KCNIP4: variants seen among roughly 807,000 people sequenced by gnomAD.
KCNIP4 encodes the protein Kv channel-interacting protein 4.
KCNIP4 carries 12 observed loss-of-function variants against 34.0 expected under a neutral mutation model. That is an observed-to-expected ratio of 0.35 (90% CI 0.23 to 0.57). KCNIP4 has a LOEUF of 0.57. KCNIP4 is among the 20% of genes least tolerant of loss of function. The pLI is 0.83. For missense variants in KCNIP4, 238 were observed against 311.7 expected (o/e 0.76, Z 1.78); for synonymous variants, 124 against 102.2 (o/e 1.21, Z -1.29).
At chr4:20,733,588 GC>G (rs1164859702) in intron 6 of KCNIP4, among the ~76,000 whole-genome samples, 7 of 152,270 alleles carry the variant, frequency 4.6e-5, no homozygotes, top group Middle Eastern at 3.4e-3. Flanking sequence ...TAGATAAGTA[GC>G]AAGTAGTTTG....
At chr4:21,650,820 T>A in intron 1 of KCNIP4, among the ~76,000 whole-genome samples, 1 of 152,188 alleles carries the variant, frequency 6.6e-6, no homozygotes, top group East Asian at 1.9e-4. Context: ...ATCTGGAGTT[T>A]GGGGGTCCTC....
intron 2 of KCNIP4, among the ~76,000 whole-genome samples, chr4:20,857,061 C>T (rs991877539): frequency 1.4e-5 from 2 of 139,168 alleles, no homozygotes; most frequent in Non-Finnish European, 1.6e-5. Flanking sequence ...AAAAAAAAAA[C>T]GCCCTTGAAG....
At position 21,440,596 on chromosome 4, in the gene KCNIP4, C is replaced by T. The variant is rs112984922; in HGVS notation, c.61+507975G>A. ...TGACACTGCTAGGAAAAAAATTGGGCGTCCGCCGGATGGAACTGTTCATTT... is the reference window on the plus strand; with the variant it reads ...TGACACTGCTAGGAAAAAAATTGGGTGTCCGCCGGATGGAACTGTTCATTT... On this transcript the variant is annotated intron_variant, in intron 1 of 8. Transcript: ENST00000382152. 4.0e-3 allele frequency among the ~76,000 whole-genome samples: 602 copies of T among 152,272 alleles called. 6 individuals carry two copies. Among genetic ancestry groups the T allele is most frequent in the South Asian group, 0.023 (111 of 4,826 alleles).
chr4:21,023,203 A>G (rs1287779371), intron 1 of KCNIP4, among the ~76,000 whole-genome samples: 1 of 152,224 alleles, frequency 6.6e-6, no homozygotes, highest in Non-Finnish European at 1.5e-5. Context: ...TTATAAATAT[A>G]GTTAAAGACC....
intron 3 of KCNIP4, among the ~76,000 whole-genome samples, chr4:20,771,127 T>TG (rs1202269368): frequency 6.6e-6 from 1 of 152,128 alleles, no homozygotes; most frequent in Non-Finnish European, 1.5e-5. Context: ...TTGGTATCCA[T>TG]GGGGGAGGGT....
rs6846611 is a variant in KCNIP4 at position 21,149,196 on chromosome 4, G to T, written c.62-266487C>A. On this transcript the variant is annotated intron_variant, in intron 1 of 8. Coordinates refer to ENST00000382152, the MANE Select transcript of KCNIP4 (RefSeq NM_025221.6). ...ATTAGAGAGGGTTTTATAGTTTTGG[G>T]ATAAACAATTTAGCAAAACCCTGAT... Among the ~76,000 whole-genome samples the T allele has an allele frequency of 7.6e-4, 116 of 152,100 alleles. 1 individual carries two copies. Among genetic ancestry groups the T allele is most frequent in the African/African-American group, 2.5e-3 (104 of 41,506 alleles).
chr4:20,963,877 T>G (rs575310728), intron 1 of KCNIP4, among the ~76,000 whole-genome samples: 3 of 152,148 alleles, frequency 2.0e-5, no homozygotes, highest in African/African-American at 7.2e-5. Context: ...CTTTGAGCTT[T>G]GTTATATTTC....
chr4:21,143,878 T>G (rs2109220207), intron 1 of KCNIP4, among the ~76,000 whole-genome samples: 1 of 152,124 alleles, frequency 6.6e-6, no homozygotes, highest in African/African-American at 2.4e-5. Flanking sequence ...AGTTTTTTTT[T>G]TTTGTATTTT....
chr4:21,529,525 T>C (rs551125601), intron 1 of KCNIP4, among the ~76,000 whole-genome samples: 1 of 152,294 alleles, frequency 6.6e-6, no homozygotes, highest in East Asian at 1.9e-4. Context: ...TAAAATTGTA[T>C]AGAAATCAAT....
chr4:21,398,388 C>T (rs2109540850), intron 1 of KCNIP4, among the ~76,000 whole-genome samples: 1 of 152,204 alleles, frequency 6.6e-6, no homozygotes, highest in South Asian at 2.1e-4. Flanking sequence ...GCTGTTAATC[C>T]CAATGGCACA....
At chr4:21,748,994 AACT>A (rs1716966284) in intron 1 of KCNIP4, among the ~76,000 whole-genome samples, 2 of 152,154 alleles carry the variant, frequency 1.3e-5, no homozygotes, top group African/African-American at 4.8e-5. Flanking sequence ...AGGCTGTAAT[AACT>A]ACTAGAATAA....
intron 1 of KCNIP4, among the ~76,000 whole-genome samples, chr4:21,383,680 T>C (rs1319798887): frequency 6.6e-6 from 1 of 152,112 alleles, no homozygotes; most frequent in Non-Finnish European, 1.5e-5. Context: ...GTGGTTAAAA[T>C]ACCTTCCGAT....
chr4:20,975,978 T>C (rs969181411), intron 1 of KCNIP4, among the ~76,000 whole-genome samples: 1 of 152,226 alleles, frequency 6.6e-6, no homozygotes, highest in African/African-American at 2.4e-5. Flanking sequence ...GCTTTTGTGC[T>C]ACAACAGAGT....
At chr4:21,000,491 C>A (rs1024053080) in intron 1 of KCNIP4, among the ~76,000 whole-genome samples, 7 of 151,996 alleles carry the variant, frequency 4.6e-5, no homozygotes, top group African/African-American at 1.7e-4. Context: ...TCGAGACCAG[C>A]CTGGCCAACA....
intron 1 of KCNIP4, among the ~76,000 whole-genome samples, chr4:20,955,757 T>G (rs1733233716): frequency 1.3e-5 from 2 of 152,202 alleles, no homozygotes; most frequent in Non-Finnish European, 2.9e-5. Context: ...GGTATTCCAA[T>G]TTCATTTCAT....
At chr4:20,879,816 G>T (rs1314795425) in intron 2 of KCNIP4, among the ~76,000 whole-genome samples, 10 of 152,122 alleles carry the variant, frequency 6.6e-5, no homozygotes, top group Admixed American at 5.9e-4. Context: ...AATATAAATT[G>T]GGAAGCTTGC....
intron 1 of KCNIP4, among the ~76,000 whole-genome samples, chr4:21,094,679 A>C (rs1747311600): frequency 6.6e-6 from 1 of 152,180 alleles, no homozygotes; most frequent in African/African-American, 2.4e-5. Flanking sequence ...AGGCTAGGTT[A>C]GGAAAGATTT....
At chr4:21,618,730 G>T (rs1482149672) in intron 1 of KCNIP4, among the ~76,000 whole-genome samples, 3 of 146,314 alleles carry the variant, frequency 2.1e-5, no homozygotes, top group Non-Finnish European at 4.5e-5. Context: ...CCTCCCGGGT[G>T]CACGCCATTC....
intron 1 of KCNIP4, among the ~76,000 whole-genome samples, chr4:21,689,701 G>A (rs777639884): frequency 2.0e-5 from 3 of 152,068 alleles, no homozygotes; most frequent in Non-Finnish European, 4.4e-5. Context: ...AGTAAAGAAG[G>A]GTGTCAAATG....
Sources: allele counts gnomAD v4.1 joint callset (sites outside exome capture counted in the v4.1 genomes callset), GRCh38; gene constraint gnomAD v4.1.1; transcripts MANE v1.5; gene names NCBI Gene and HGNC (gene_info 2026-07-23, HGNC 2026-07-21).